ADCY9: variants seen among roughly 807,000 people sequenced by gnomAD.
The protein encoded by ADCY9 is adenylate cyclase 9, also known as adenylate cyclase type 9.
Under a neutral mutation model 101.5 loss-of-function variants are expected in ADCY9, and 50 were observed. That is an observed-to-expected ratio of 0.49 (90% CI 0.39 to 0.62). The LOEUF (loss-of-function observed/expected upper bound fraction) is 0.62, where lower values mean the gene tolerates loss of function less well. Ranked by LOEUF, ADCY9 falls within the 20% of genes least tolerant of loss-of-function variation. The pLI is 0.00. For synonymous variants in ADCY9, 905 were observed against 769.3 expected, an observed-to-expected ratio of 1.18 and a Z score of -2.92; for missense variants, 1,662 against 1,800.4, an observed-to-expected ratio of 0.92 and a Z score of 1.39.
At chr16:3,989,813 GA>G (rs2056229711) in intron 5 of ADCY9, among the ~76,000 whole-genome samples, 1 of 152,206 alleles carries the variant, frequency 6.6e-6, no homozygotes, top group African/African-American at 2.4e-5. Context: ...GGCTTCAAAC[GA>G]AAACATAATT....
At chr16:3,974,582 C>T in intron 10 of ADCY9, 87 bp downstream of exon 10, 1 of 1,070,528 alleles carries the variant, frequency 9.3e-7, no homozygotes, top group Non-Finnish European at 1.4e-6. Context: ...TATTCAAGAT[C>T]CCATTGTTTT....
intron 2 of ADCY9, among the ~76,000 whole-genome samples, chr16:4,098,420 G>C (rs1411609416): frequency 4.6e-5 from 7 of 151,964 alleles, no homozygotes; most frequent in Admixed American, 6.6e-5. Context: ...TTTTAGTAGA[G>C]ATGGGGTTTC....
intron 2 of ADCY9, among the ~76,000 whole-genome samples, chr16:4,096,877 C>G (rs923094998): frequency 2.0e-5 from 3 of 151,894 alleles, no homozygotes; most frequent in Non-Finnish European, 4.4e-5. Flanking sequence ...CTGCTTTTTC[C>G]CCGCTTTGGA....
At chr16:4,102,091 AG>A (rs1431665785) in intron 2 of ADCY9, among the ~76,000 whole-genome samples, 1 of 152,224 alleles carries the variant, frequency 6.6e-6, no homozygotes, top group Non-Finnish European at 1.5e-5. Context: ...GCAGGAAGAA[AG>A]AAACACCCTT....
downstream of ADCY9, among the ~76,000 whole-genome samples, chr16:3,961,784 G>C (rs1052401349): frequency 2.0e-5 from 3 of 152,138 alleles, no homozygotes; most frequent in African/African-American, 7.2e-5. Context: ...CCAGCACTTC[G>C]GGAGGCTGAG....
At chr16:4,081,584 G>A (rs1011081909) in intron 2 of ADCY9, among the ~76,000 whole-genome samples, 3 of 152,206 alleles carry the variant, frequency 2.0e-5, no homozygotes, top group Non-Finnish European at 4.4e-5. Context: ...AGCCCAGCTC[G>A]AAAGCCTTCG....
chr16:3,988,421 G>A (rs964914664), intron 6 of ADCY9, among the ~76,000 whole-genome samples: 15 of 148,112 alleles, frequency 1.0e-4, no homozygotes, highest in African/African-American at 2.8e-4. Flanking sequence ...AGGGCAGGTC[G>A]GTGGGGAGTT....
intron 2 of ADCY9, among the ~76,000 whole-genome samples, chr16:4,011,921 T>C (rs966102522): frequency 2.0e-5 from 3 of 152,224 alleles, no homozygotes; most frequent in Non-Finnish European, 4.4e-5. Context: ...AGCTCGCATG[T>C]GAGGCTTAAA....
At chr16:3,982,101 C>T in intron 7 of ADCY9, 1 of 152,756 alleles carries the variant, frequency 6.5e-6, no homozygotes, top group Non-Finnish European at 1.5e-5. Flanking sequence ...GGTGATGGGG[C>T]ATGAGCCCAC....
intron 2 of ADCY9, among the ~76,000 whole-genome samples, chr16:4,037,322 A>C (rs1803237548): frequency 6.6e-6 from 1 of 152,158 alleles, no homozygotes. Context: ...TTCTCTAAAA[A>C]ATAAAAATAA....
chr16:4,056,398 C>T (rs911896532), intron 2 of ADCY9, among the ~76,000 whole-genome samples: 9 of 152,136 alleles, frequency 5.9e-5, no homozygotes, highest in Admixed American at 2.6e-4. Context: ...GGACGATAGG[C>T]GTGCACCACC....
chr16:3,964,002 G>C lies in ADCY9; in HGVS notation c.*1773C>G, dbSNP rs528135014. 3.3e-5 allele frequency: 5 copies of C among 152,674 alleles called. No homozygotes were observed. Among genetic ancestry groups the C allele is most frequent in the Admixed American group, 6.5e-5 (1 of 15,306 alleles). The allele number at this position is 152,674 out of a possible 1,614,324, so 9.5% of individuals were successfully genotyped here. On this transcript the variant is annotated 3_prime_UTR_variant, in exon 11 of 11. Coordinates refer to ENST00000294016, the MANE Select transcript of ADCY9 (RefSeq NM_001116.4). The stretch of plus-strand genomic sequence containing the variant: ...GGGAGGTGCCCTGGACTCTCAGGAC[G>C]CCGGGACCCTGGCTCTGGCTGTCCT...
chr16:4,026,989 C>T (rs115305937), intron 2 of ADCY9, among the ~76,000 whole-genome samples: 48 of 152,308 alleles, frequency 3.2e-4, no homozygotes, highest in South Asian at 1.5e-3. Context: ...GGTTCCCTCC[C>T]GCAACCAACC....
chr16:4,085,125 G>A (rs1284894900), intron 2 of ADCY9, among the ~76,000 whole-genome samples: 2 of 152,282 alleles, frequency 1.3e-5, no homozygotes, highest in South Asian at 4.1e-4. Context: ...ACTTTGGGAG[G>A]TCAAGGTGGG....
chr16:4,090,682 C>G (rs1046188599), intron 2 of ADCY9, among the ~76,000 whole-genome samples: 2 of 151,680 alleles, frequency 1.3e-5, no homozygotes, highest in Non-Finnish European at 2.9e-5. Context: ...TTCATTTGAA[C>G]AAGGAAGTTC....
rs2055983349 is a variant in ADCY9 at position 3,965,615 on chromosome 16, C to A, written c.*160G>T. On this transcript the variant is annotated 3_prime_UTR_variant, in exon 11 of 11. Transcript: ENST00000294016. ...AAAGGGAAGAATGGATGAAAATGAA[C>A]CCTGAATAACTGTGATCCACACAGA... 7.6e-5 allele frequency: 51 copies of A among 674,230 alleles called. No individual in the cohort carries two copies. The South Asian group carries it at 9.7e-4, about 13-fold the overall frequency. The allele number at this position is 674,230 out of a possible 1,614,324, so 41.8% of individuals were successfully genotyped here.
chr16:4,059,300 G>T (rs2056759628), intron 2 of ADCY9, among the ~76,000 whole-genome samples: 1 of 144,856 alleles, frequency 6.9e-6, no homozygotes, highest in African/African-American at 2.6e-5. Context: ...AGAAGTGCTA[G>T]AACCTGGAAG....
At chr16:4,035,435 A>T (rs1425230045) in intron 2 of ADCY9, among the ~76,000 whole-genome samples, 1 of 152,260 alleles carries the variant, frequency 6.6e-6, no homozygotes. Flanking sequence ...TAAAGTTAAT[A>T]TAAGTGTAAT....
intron 5 of ADCY9, among the ~76,000 whole-genome samples, chr16:3,991,301 G>C (rs1184572182): frequency 6.6e-6 from 1 of 152,164 alleles, no homozygotes; most frequent in African/African-American, 2.4e-5. Context: ...ATCAAAATTA[G>C]TATCACTAAT....
Sources: allele counts gnomAD v4.1 joint callset (sites outside exome capture counted in the v4.1 genomes callset), GRCh38; gene constraint gnomAD v4.1.1; transcripts MANE v1.5; gene names NCBI Gene and HGNC (gene_info 2026-07-23, HGNC 2026-07-21).